The following CTNNA2 variants were observed in gnomAD, a reference collection of about 807,000 sequenced individuals.
CTNNA2 encodes the protein catenin alpha 2.
In CTNNA2, 42 loss-of-function variants were observed where a neutral mutation model predicts 101.0. The observed-to-expected ratio is 0.42, with a 90% CI of 0.32 to 0.54. The LOEUF (loss-of-function observed/expected upper bound fraction) is 0.54, where lower values mean the gene tolerates loss of function less well. CTNNA2 is among the 20% of genes least tolerant of loss of function. The pLI is 0.14. For missense variants in CTNNA2, 871 were observed against 1,223.1 expected (o/e 0.71, Z 4.29); for synonymous variants, 450 against 456.4 (o/e 0.99, Z 0.18).
At chr2:80,081,287 A>C (rs989004183) in intron 7 of CTNNA2, among the ~76,000 whole-genome samples, 2 of 151,954 alleles carry the variant, frequency 1.3e-5, no homozygotes, top group African/African-American at 4.8e-5. Flanking sequence ...GCTTTACATA[A>C]ATTTCGAGGA....
intron 7 of CTNNA2, among the ~76,000 whole-genome samples, chr2:80,193,141 AT>A (rs1706626833): frequency 6.6e-6 from 1 of 152,212 alleles, no homozygotes; most frequent in Non-Finnish European, 1.5e-5. Flanking sequence ...CCTTTATCTT[AT>A]AAACCTTAGT....
chr2:80,486,037 T>G (rs2149509091), intron 9 of CTNNA2, among the ~76,000 whole-genome samples: 1 of 152,298 alleles, frequency 6.6e-6, no homozygotes, highest in African/African-American at 2.4e-5. Context: ...ACCCTCAGAC[T>G]CTGTAAAGAT....
At chr2:79,566,978 C>A (rs1473439531) in intron 1 of CTNNA2, among the ~76,000 whole-genome samples, 1 of 151,954 alleles carries the variant, frequency 6.6e-6, no homozygotes, top group Non-Finnish European at 1.5e-5. Context: ...TTGACAAGAA[C>A]GTAAATGAAA....
chr2:80,284,107 G>A (rs1399453725), intron 7 of CTNNA2, among the ~76,000 whole-genome samples: 2 of 152,102 alleles, frequency 1.3e-5, no homozygotes, highest in Middle Eastern at 3.4e-3. Flanking sequence ...TACATTTAGC[G>A]GGACTACACA....
chr2:79,241,472 G>GA (rs1674624587), intron 2 of CTNNA2, among the ~76,000 whole-genome samples: 2 of 152,184 alleles, frequency 1.3e-5, no homozygotes, highest in African/African-American at 4.8e-5. Context: ...AAAAAGATCT[G>GA]AAAAACAATT....
chr2:79,440,035 A>T (rs2104517492), intron 4 of CTNNA2, among the ~76,000 whole-genome samples: 1 of 152,302 alleles, frequency 6.6e-6, no homozygotes, highest in African/African-American at 2.4e-5. Context: ...TAAAGAAGTA[A>T]GCCTCATAGC....
intron 7 of CTNNA2, among the ~76,000 whole-genome samples, chr2:80,379,824 C>G (rs1240649704): frequency 6.6e-6 from 1 of 152,058 alleles, no homozygotes; most frequent in Non-Finnish European, 1.5e-5. Context: ...GGGAAAGGGA[C>G]CAGGAATCTT....
At chr2:80,385,608 T>G (rs901362592) in intron 7 of CTNNA2, among the ~76,000 whole-genome samples, 18 of 152,304 alleles carry the variant, frequency 1.2e-4, no homozygotes, top group African/African-American at 4.3e-4. Flanking sequence ...CTCCAAAAGC[T>G]GACTTCTCTT....
chr2:80,340,459 C>T (rs928527298), intron 7 of CTNNA2, among the ~76,000 whole-genome samples: 1 of 152,090 alleles, frequency 6.6e-6, no homozygotes, highest in East Asian at 1.9e-4. Flanking sequence ...AAGGTTTTGA[C>T]GTTCATAATT....
chr2:80,541,626 G>A (rs1691562600), intron 9 of CTNNA2, among the ~76,000 whole-genome samples: 1 of 152,142 alleles, frequency 6.6e-6, no homozygotes, highest in Admixed American at 6.5e-5. Context: ...AAGTCCCACA[G>A]GGTCGACTTC....
Position 79,491,421 on chromosome 2 carries a change from G to A in CTNNA2, c.-134-13633G>A, listed in dbSNP as rs75128418. Among the ~76,000 whole-genome samples the A allele has an allele frequency of 0.011, 1,705 of 152,214 alleles. 80 individuals carry two copies. In the East Asian group the frequency reaches 0.13, roughly 11 times the overall value. ...TGAGAACACAGCTTCAAACACCAAG[G>A]AGATTTAGATTTAAATAGCCAAAGT... is the stretch of plus-strand genomic sequence containing the variant. On this transcript the variant is annotated intron_variant, in intron 4 of 21. Transcript: ENST00000466387.
intron 4 of CTNNA2, among the ~76,000 whole-genome samples, chr2:79,477,797 A>G (rs560596540): frequency 1.6e-4 from 25 of 152,330 alleles, no homozygotes; most frequent in African/African-American, 5.3e-4. Context: ...TAAAATAAAT[A>G]CATGGGAATT....
chr2:80,570,141 T>C (rs946409002), intron 12 of CTNNA2, among the ~76,000 whole-genome samples: 27 of 152,026 alleles, frequency 1.8e-4, no homozygotes, highest in African/African-American at 6.5e-4. Context: ...CTCTGCCTCC[T>C]GGGTTCAAGC....
intron 7 of CTNNA2, among the ~76,000 whole-genome samples, chr2:80,173,211 C>T (rs1030616303): frequency 7.9e-5 from 12 of 152,182 alleles, no homozygotes; most frequent in Non-Finnish European, 1.3e-4. Context: ...TGAACCTACC[C>T]TAGCCACGTC....
chr2:80,015,365 T>C (rs1694066826), intron 7 of CTNNA2, among the ~76,000 whole-genome samples: 1 of 152,132 alleles, frequency 6.6e-6, no homozygotes, highest in Admixed American at 6.5e-5. Context: ...GTAATAGATA[T>C]GACAATAAGC....
In CTNNA2 at chr2:79,250,235, A is replaced by G. The variant is rs967851643; in HGVS notation, c.-406+52159A>G. ...ATTATGGCCTGTTTGTAGCCTATTT[A>G]GGCATTTCTATTGTTCAACAAGACT... On this transcript the variant is annotated intron_variant, in intron 2 of 21. Transcript: ENST00000466387. 7.1e-5 allele frequency among the ~76,000 whole-genome samples: 9 copies of G among 126,460 alleles called. 1 individual carries two copies. The highest frequency in any genetic ancestry group is 2.8e-4 in the African/African-American group (9 of 32,048). The allele number at this position is 126,460 out of a possible 152,430, so 83.0% of individuals were successfully genotyped here.
intron 7 of CTNNA2, among the ~76,000 whole-genome samples, chr2:80,370,608 C>T (rs78337569): frequency 1.3e-5 from 2 of 152,170 alleles, no homozygotes; most frequent in East Asian, 3.9e-4. Context: ...TAACACCTTG[C>T]TTTAGAGATA....
At chr2:80,115,769 G>A (rs1012395756) in intron 7 of CTNNA2, among the ~76,000 whole-genome samples, 2 of 152,176 alleles carry the variant, frequency 1.3e-5, no homozygotes, top group African/African-American at 2.4e-5. Flanking sequence ...TCTGGGAATG[G>A]AAAATAGTTC....
At chr2:80,474,089 T>C (rs1002272239) in intron 9 of CTNNA2, among the ~76,000 whole-genome samples, 22 of 152,230 alleles carry the variant, frequency 1.4e-4, no homozygotes, top group African/African-American at 4.6e-4. Flanking sequence ...GCCAAGGCAG[T>C]TGTCATTTAC....
Sources: gnomAD v4.1 joint callset for allele counts (sites outside exome capture counted in the v4.1 genomes callset) on GRCh38, gnomAD v4.1.1 for gene constraint, MANE v1.5 for transcripts, NCBI Gene and HGNC (gene_info 2026-07-23, HGNC 2026-07-21) for gene names.